PEX14: variants seen among roughly 807,000 people sequenced by gnomAD.
PEX14 encodes the protein peroxisomal biogenesis factor 14.
PEX14 carries 15 observed loss-of-function variants against 49.5 expected under a neutral mutation model. The ratio of observed to expected loss-of-function variants is 0.30; its 90% confidence interval spans 0.20 to 0.47. The LOEUF is 0.47. Ranked by LOEUF, PEX14 falls within the 20% of genes least tolerant of loss-of-function variation. PEX14 has a pLI of 1.00. For missense variants in PEX14, 398 were observed against 494.8 expected, an observed-to-expected ratio of 0.80 and a Z score of 1.86; for synonymous variants, 210 against 212.7, an observed-to-expected ratio of 0.99 and a Z score of 0.11.
chr1:10,578,177 C>T (rs1640207208), intron 3 of PEX14, among the ~76,000 whole-genome samples: 1 of 152,162 alleles, frequency 6.6e-6, no homozygotes, highest in South Asian at 2.1e-4. Context: ...ACATGCTAGA[C>T]TAACTGCTGA....
At chr1:10,574,338 G>C (rs559139137) in intron 3 of PEX14, among the ~76,000 whole-genome samples, 8 of 152,208 alleles carry the variant, frequency 5.3e-5, no homozygotes, top group Non-Finnish European at 1.0e-4. Flanking sequence ...CTGATGATCA[G>C]AGTTGTAGTG....
At chr1:10,555,645 G>GTGTGTGTT (rs1162233880) in intron 3 of PEX14, among the ~76,000 whole-genome samples, 1 of 146,560 alleles carries the variant, frequency 6.8e-6, no homozygotes, top group African/African-American at 2.7e-5. Flanking sequence ...AGGTGTGAGT[G>GTGTGTGTT]TGTGTGTGTG....
At chr1:10,482,332 G>A (rs951175794) in intron 1 of PEX14, among the ~76,000 whole-genome samples, 12 of 151,146 alleles carry the variant, frequency 7.9e-5, no homozygotes, top group Non-Finnish European at 1.6e-4. Context: ...GATTCACCAT[G>A]TTGGCCGGGC....
Position 10,506,373 on chromosome 1 carries a change from G to A in PEX14, c.84+11052G>A, listed in dbSNP as rs1318469850. ...TGCTCACTGCAACCTCTGCCTCCCA[G>A]GTTCAAGTGATTCTCCTGTCTCAGC... On this transcript the variant is annotated intron_variant, in intron 2 of 8. Transcript: ENST00000356607. Among the ~76,000 whole-genome samples, 5 of 152,166 alleles carry A rather than the reference G, an allele frequency of 3.3e-5. No individual in the cohort carries two copies. The East Asian group carries it at 9.6e-4, about 29-fold the overall frequency.
chr1:10,528,689 G>A (rs1430209321), intron 2 of PEX14, among the ~76,000 whole-genome samples: 1 of 152,188 alleles, frequency 6.6e-6, no homozygotes, highest in Admixed American at 6.5e-5. Context: ...AAAACCAGGG[G>A]ATACTGGAAG....
At position 10,630,051 on chromosome 1, in the gene PEX14, T is replaced by C; in HGVS notation, c.*64T>C. The C allele has an allele frequency of 6.3e-7, 1 of 1,591,556 alleles. No homozygotes were observed. Among genetic ancestry groups the C allele is most frequent in the Non-Finnish European group, 8.5e-7 (1 of 1,175,154 alleles). On this transcript the variant is annotated 3_prime_UTR_variant, in exon 9 of 9. Transcript: ENST00000356607. This position sits in a 1 kb window ranked among gnomAD's most constrained non-coding sequence, Gnocchi z 4.1. ...AGTGTGCCCGTGCGTGGCCATACCCTGCCTCCCTCTCTGGCCCTGGGAGGG... is the reference window on the plus strand; with the variant it reads ...AGTGTGCCCGTGCGTGGCCATACCCCGCCTCCCTCTCTGGCCCTGGGAGGG...
rs905052866 is a variant in PEX14, at chr1:10,628,966, G to A, written c.678-565G>A. ...CAGAAGGGAGAGCTGCCTCTTCTGC[G>A]TTGAAAGTGTTGAGCTCAGAAGTTT... On this transcript the variant is annotated intron_variant, in intron 8 of 8. Coordinates refer to ENST00000356607, the MANE Select transcript of PEX14 (RefSeq NM_004565.3). This position sits in a 1 kb window ranked among gnomAD's most constrained non-coding sequence, Gnocchi z 4.5. 6.6e-6 allele frequency among the ~76,000 whole-genome samples: 1 copy of A among 152,324 alleles called. No homozygotes were observed. Among genetic ancestry groups the A allele is most frequent in the South Asian group, 2.1e-4 (1 of 4,816 alleles).
At chr1:10,523,215 A>C (rs17035143) in intron 2 of PEX14, among the ~76,000 whole-genome samples, 1 of 151,992 alleles carries the variant, frequency 6.6e-6, no homozygotes, top group Non-Finnish European at 1.5e-5. Context: ...TTTATCTTCT[A>C]TGATTTGGAT....
intron 3 of PEX14, among the ~76,000 whole-genome samples, chr1:10,580,681 A>G (rs996732599): frequency 1.1e-4 from 17 of 152,142 alleles, no homozygotes; most frequent in African/African-American, 3.9e-4. Flanking sequence ...ATAAGAATGT[A>G]TATTGTAATC....
intron 3 of PEX14, among the ~76,000 whole-genome samples, chr1:10,577,425 A>C (rs1032111604): frequency 1.5e-5 from 2 of 136,996 alleles, no homozygotes; most frequent in East Asian, 2.2e-4. Flanking sequence ...AAAAAAAACC[A>C]AAAAACAATT....
At chr1:10,508,943 C>CT (rs60354536) in intron 2 of PEX14, among the ~76,000 whole-genome samples, 40,662 of 147,222 alleles carry the variant, frequency 0.28, 5,858 homozygotes, top group Admixed American at 0.37. Context: ...GGCATGCCTC[C>CT]TTTTTTTTTT....
intron 3 of PEX14, among the ~76,000 whole-genome samples, chr1:10,577,217 C>T (rs144448440): frequency 0.012 from 1,854 of 150,732 alleles, 18 homozygotes; most frequent in Non-Finnish European, 0.018. Flanking sequence ...GCCAACATGG[C>T]GAAACCCCAT....
At chr1:10,516,283 C>G (rs1015279355) in intron 2 of PEX14, among the ~76,000 whole-genome samples, 1 of 152,162 alleles carries the variant, frequency 6.6e-6, no homozygotes, top group African/African-American at 2.4e-5. Flanking sequence ...AGATGAGAAA[C>G]TAGAAGAACT....
intron 3 of PEX14, among the ~76,000 whole-genome samples, chr1:10,594,285 A>G (rs950985520): frequency 1.3e-5 from 2 of 152,000 alleles, no homozygotes; most frequent in Admixed American, 1.3e-4. Flanking sequence ...TCTCTGCCTC[A>G]TCTCCTCCCA....
At chr1:10,627,386 C>T (rs768777722) in intron 8 of PEX14, 23 bp downstream of exon 8, 13 of 1,518,496 alleles carry the variant, frequency 8.6e-6, no homozygotes, top group South Asian at 2.2e-5. Flanking sequence ...AATGGGGACC[C>T]TGTTCTGGTC....
chr1:10,486,011 G>C (rs1401393479), intron 1 of PEX14, among the ~76,000 whole-genome samples: 2 of 152,040 alleles, frequency 1.3e-5, no homozygotes, highest in Non-Finnish European at 2.9e-5. Context: ...GCCTGCCCCA[G>C]CCTCCCAAAG....
At chr1:10,542,509 C>A (rs1004294538) in intron 3 of PEX14, among the ~76,000 whole-genome samples, 1 of 152,178 alleles carries the variant, frequency 6.6e-6, no homozygotes, top group African/African-American at 2.4e-5. Context: ...CGCCTATAAT[C>A]CCAGCACTTC....
At chr1:10,502,524 C>T (rs1416110747) in intron 2 of PEX14, among the ~76,000 whole-genome samples, 6 of 152,040 alleles carry the variant, frequency 3.9e-5, no homozygotes, top group Non-Finnish European at 5.9e-5. Context: ...TTAAGGTGCC[C>T]TTTTACAAAT....
rs780490551 is a variant in PEX14 at position 10,618,345 on chromosome 1, C to A, written c.312C>A (p.Ser104=). 6.2e-7 allele frequency: 1 copy of A among 1,613,948 alleles called. No homozygotes were observed. The highest frequency in any genetic ancestry group is 1.7e-5 in the Admixed American group (1 of 60,036). ...LISQPYSPAG[S]RWRDYGALAI... is the part of the protein sequence containing the mutation. ...TCCCGCCTGTAGGTCCCGCAGGCTC[C>A]CGATGGCGAGATTACGGCGCCCTGG... The change falls in exon 5 of 9, where the codon TCC becomes TCA. Residue 104 remains serine (S), a synonymous_variant. Transcript: ENST00000356607.
Sources: allele counts gnomAD v4.1 joint callset (sites outside exome capture counted in the v4.1 genomes callset), GRCh38; gene constraint gnomAD v4.1.1; non-coding constraint Gnocchi (gnomAD v3.1); transcripts MANE v1.5; gene names NCBI Gene and HGNC (gene_info 2026-07-23, HGNC 2026-07-21).